Variants in RCOR1 observed in about 807,000 individuals in gnomAD.
RCOR1 encodes REST corepressor 1, also known as REST corepressor.
Under a neutral mutation model 64.0 loss-of-function variants are expected in RCOR1, and 12 were observed. The observed-to-expected ratio is 0.19, with a 90% CI of 0.12 to 0.30. The LOEUF is 0.30. Ranked by LOEUF, RCOR1 falls within the 10% of genes least tolerant of loss-of-function variation. The pLI is 1.00. For missense variants in RCOR1, 502 were observed against 621.2 expected, an observed-to-expected ratio of 0.81 and a Z score of 2.04; for synonymous variants, 279 against 227.2, an observed-to-expected ratio of 1.23 and a Z score of -2.05.
intron 2 of RCOR1, among the ~76,000 whole-genome samples, chr14:102,606,627 G>GTTTT (rs1307882389): frequency 7.2e-6 from 1 of 139,408 alleles, no homozygotes; most frequent in Non-Finnish European, 1.6e-5. Context: ...CAGGTTTTAA[G>GTTTT]TTTTTTTTTT....
chr14:102,681,445 G>A (rs1895301604), intron 2 of RCOR1, among the ~76,000 whole-genome samples: 1 of 152,168 alleles, frequency 6.6e-6, no homozygotes, highest in Admixed American at 6.5e-5. Context: ...GAATTAGTAT[G>A]CATTTTAGAA....
In RCOR1 at chr14:102,626,160, T is replaced by TA. The variant is rs570793232; in HGVS notation, c.361+32836dup. 3.2e-3 allele frequency among the ~76,000 whole-genome samples: 484 copies of TA among 152,332 alleles called. 1 individual carries two copies. Among genetic ancestry groups the TA allele is most frequent in the Non-Finnish European group, 5.3e-3 (361 of 68,020 alleles). On this transcript the variant is annotated intron_variant, in intron 2 of 11. Coordinates refer to ENST00000262241, the MANE Select transcript of RCOR1 (RefSeq NM_015156.4). ...TACCACCTTTTCCCTTGATGTTTCT[T>TA]ACGCTTTTGTTCAGCTTAAATTCCA... is the stretch of plus-strand genomic sequence containing the variant.
chr14:102,654,508 T>C (rs1894681885), intron 2 of RCOR1, among the ~76,000 whole-genome samples: 1 of 151,558 alleles, frequency 6.6e-6, no homozygotes, highest in Non-Finnish European at 1.5e-5. Flanking sequence ...GCCTAGGGAG[T>C]AGTGTGTTTG....
chr14:102,697,388 C>T (rs984234594), intron 3 of RCOR1, among the ~76,000 whole-genome samples: 2 of 152,186 alleles, frequency 1.3e-5, no homozygotes, highest in South Asian at 2.1e-4. Flanking sequence ...TTACCCTGTA[C>T]ATAACCTGTG....
intron 8 of RCOR1, among the ~76,000 whole-genome samples, chr14:102,720,089 G>A (rs1358103159): frequency 6.6e-6 from 1 of 152,142 alleles, no homozygotes; most frequent in Non-Finnish European, 1.5e-5. Context: ...AAATTTTCGG[G>A]TAGCATCTTC....
At chr14:102,700,581 C>G (rs528429454) in intron 3 of RCOR1, among the ~76,000 whole-genome samples, 2 of 152,252 alleles carry the variant, frequency 1.3e-5, no homozygotes, top group East Asian at 3.9e-4. Context: ...GTTATCCAGG[C>G]TAATCTAGAA....
chr14:102,682,972 A>G (rs1357323849), intron 3 of RCOR1, among the ~76,000 whole-genome samples: 3 of 152,246 alleles, frequency 2.0e-5, no homozygotes, highest in South Asian at 2.1e-4. Context: ...CCTGTTAGCC[A>G]CTATCTTTCT....
At chr14:102,662,171 A>G (rs1023359938) in intron 2 of RCOR1, 1 of 415,362 alleles carries the variant, frequency 2.4e-6, no homozygotes, top group South Asian at 1.9e-5. Flanking sequence ...TACTTCTGCA[A>G]CTTTTTATTT....
chr14:102,704,799 C>G (rs1895817738), intron 4 of RCOR1, among the ~76,000 whole-genome samples: 1 of 152,180 alleles, frequency 6.6e-6, no homozygotes, highest in South Asian at 2.1e-4. Flanking sequence ...CCATTCCATC[C>G]TGGACAACAT....
intron 2 of RCOR1, among the ~76,000 whole-genome samples, chr14:102,620,729 A>G (rs1326148739): frequency 6.6e-6 from 1 of 152,112 alleles, no homozygotes; most frequent in Non-Finnish European, 1.5e-5. Flanking sequence ...ATAAATAAAT[A>G]AAATGTAAAT....
At chr14:102,717,364 G>C (rs747634984) in intron 8 of RCOR1, among the ~76,000 whole-genome samples, 3 of 152,242 alleles carry the variant, frequency 2.0e-5, no homozygotes, top group African/African-American at 2.4e-5. Context: ...GCGTGCTGCT[G>C]TCTTTCTTGT....
rs1896303195 is a variant in RCOR1, at chr14:102,727,987, C to T, written c.*1481C>T. 6.6e-6 allele frequency: 1 copy of T among 152,052 alleles called. No individual in the cohort carries two copies. The highest frequency in any genetic ancestry group is 2.1e-4 in the South Asian group (1 of 4,776). The allele number at this position is 152,052 out of a possible 1,614,324, so 9.4% of individuals were successfully genotyped here. ...TTGGATTTTTTTCCTGCTTTCAATA[C>T]CAAAAAAATGCAGATGCTTTAAGGC... On this transcript the variant is annotated 3_prime_UTR_variant, in exon 12 of 12. Transcript: ENST00000262241.
intron 5 of RCOR1, 129 bp downstream of exon 5, chr14:102,707,641 T>C: frequency 1.2e-6 from 1 of 811,148 alleles, no homozygotes; most frequent in Non-Finnish European, 1.9e-6. Context: ...CCCTTTAGAT[T>C]CAGCTTAGTA....
At chr14:102,700,616 G>C (rs1015120265) in intron 3 of RCOR1, among the ~76,000 whole-genome samples, 5 of 152,158 alleles carry the variant, frequency 3.3e-5, no homozygotes, top group Non-Finnish European at 7.4e-5. Context: ...GGATCCTCCC[G>C]CCTCAGCTTT....
chr14:102,694,030 G>A (rs1187566457), intron 3 of RCOR1, among the ~76,000 whole-genome samples: 3 of 152,062 alleles, frequency 2.0e-5, no homozygotes, highest in Non-Finnish European at 4.4e-5. Context: ...GGTAGCTGGA[G>A]CACTTTTAAT....
intron 2 of RCOR1, among the ~76,000 whole-genome samples, chr14:102,603,777 C>T (rs745842552): frequency 4.6e-5 from 7 of 152,050 alleles, no homozygotes; most frequent in Non-Finnish European, 1.0e-4. Context: ...TGTGCCACCA[C>T]GCCTGGCTAA....
chr14:102,623,040 A>G (rs1396154036), intron 2 of RCOR1, among the ~76,000 whole-genome samples: 1 of 151,856 alleles, frequency 6.6e-6, no homozygotes, highest in Admixed American at 6.6e-5. Context: ...TGTCTTTTTT[A>G]TTTTCAACCT....
rs921037312 is a variant in RCOR1, at chr14:102,699,603, T to G, written c.446-1675T>G. 6.7e-4 allele frequency among the ~76,000 whole-genome samples: 102 copies of G among 152,316 alleles called. 1 individual carries two copies. The highest frequency in any genetic ancestry group is 2.3e-3 in the African/African-American group (97 of 41,580). On this transcript the variant is annotated intron_variant, in intron 3 of 11. Coordinates refer to ENST00000262241, the MANE Select transcript of RCOR1 (RefSeq NM_015156.4). ...AGACTTTTATTAGGACTCCTCTGTT[T>G]ACTCTTTGTGTCATAGTGGGAAAGT...
At chr14:102,707,266 C>A (rs978304677) in intron 4 of RCOR1, 85 bp from the exon 5 acceptor site, 10 of 1,151,224 alleles carry the variant, frequency 8.7e-6, no homozygotes, top group African/African-American at 1.6e-5. Flanking sequence ...AATATGAAGT[C>A]GTTTTTACTT....
Sources: gnomAD v4.1 joint callset for allele counts (sites outside exome capture counted in the v4.1 genomes callset) on GRCh38, gnomAD v4.1.1 for gene constraint, MANE v1.5 for transcripts, NCBI Gene and HGNC (gene_info 2026-07-23, HGNC 2026-07-21) for gene names.